Variants in PLXNC1 observed in about 807,000 individuals in gnomAD.
PLXNC1 encodes the protein plexin C1, also known as plexin-C1.
A neutral mutation model predicts 178.2 loss-of-function variants in PLXNC1; 75 were observed. The observed-to-expected ratio is 0.42, with a 90% CI of 0.35 to 0.51. The LOEUF (loss-of-function observed/expected upper bound fraction) is 0.51. Among genes scored for constraint, PLXNC1 ranks in the 20% least tolerant of loss-of-function variants. The pLI is 0.02. For missense variants in PLXNC1, 1,503 were observed against 1,984.4 expected (o/e 0.76, Z 4.61); for synonymous variants, 790 against 779.9 (o/e 1.01, Z -0.22).
intron 6 of PLXNC1, among the ~76,000 whole-genome samples, chr12:94,223,805 C>G (rs918073535): frequency 1.3e-5 from 2 of 152,094 alleles, no homozygotes; most frequent in East Asian, 3.9e-4. Flanking sequence ...ATATTTGCAG[C>G]GTGGATTTTT....
chr12:94,231,741 G>T (rs1030845906), intron 9 of PLXNC1, among the ~76,000 whole-genome samples: 2 of 152,086 alleles, frequency 1.3e-5, no homozygotes, highest in Admixed American at 6.5e-5. Flanking sequence ...AGCTATAAAG[G>T]CCAGTGTCTG....
chr12:94,278,130 C>G, intron 21 of PLXNC1: 1 of 408,334 alleles, frequency 2.4e-6, no homozygotes, highest in South Asian at 1.7e-5. Flanking sequence ...CTGTTAGACT[C>G]TCCGCTCCTT....
chr12:94,259,468 A>G, intron 18 of PLXNC1, 93 bp downstream of exon 18: 1 of 1,228,574 alleles, frequency 8.1e-7, no homozygotes, highest in Admixed American at 2.6e-5. Context: ...ATTACTTTGA[A>G]TTTTTATTGT....
In PLXNC1 at chr12:94,260,608, A is replaced by C. The variant is rs1488079735; in HGVS notation, c.3252-34A>C. On this transcript the variant is annotated intron_variant, in intron 19 of 30. Coordinates refer to ENST00000258526, the MANE Select transcript of PLXNC1 (RefSeq NM_005761.3). This position sits in a 1 kb window ranked among gnomAD's most constrained non-coding sequence, Gnocchi z 4.4. Reference sequence around the variant, plus strand: ...CCCATGGGTGTCCAGCTAGGCCTGCAGCCAATGGTTCACCCAGCTCTCTTT... The same window carrying C: ...CCCATGGGTGTCCAGCTAGGCCTGCCGCCAATGGTTCACCCAGCTCTCTTT... The C allele has an allele frequency of 2.1e-5, 33 of 1,538,912 alleles. No homozygotes were observed. The Admixed American group carries it at 5.0e-4, about 23-fold the overall frequency.
chr12:94,201,079 A>T (rs1448383779), intron 4 of PLXNC1, among the ~76,000 whole-genome samples: 1 of 152,170 alleles, frequency 6.6e-6, no homozygotes, highest in Non-Finnish European at 1.5e-5. Flanking sequence ...GCCCTGGGGG[A>T]AACAAAGATG....
At chr12:94,270,564 G>A (rs1313136487) in intron 21 of PLXNC1, among the ~76,000 whole-genome samples, 1 of 152,046 alleles carries the variant, frequency 6.6e-6, no homozygotes, top group Non-Finnish European at 1.5e-5. Context: ...AACTCATGGG[G>A]CTCTTTGCCA....
chr12:94,160,376 A>C (rs542697580), intron 1 of PLXNC1, among the ~76,000 whole-genome samples: 2 of 152,290 alleles, frequency 1.3e-5, no homozygotes, highest in Admixed American at 6.5e-5. Context: ...TTTTGAGGAA[A>C]AGTAAAAGCT....
intron 5 of PLXNC1, among the ~76,000 whole-genome samples, chr12:94,210,859 G>A (rs1963447530): frequency 6.6e-6 from 1 of 152,142 alleles, no homozygotes; most frequent in Non-Finnish European, 1.5e-5. Context: ...CTAAACATAG[G>A]TATATCCAAA....
chr12:94,201,195 A>G (rs746334723), intron 4 of PLXNC1, among the ~76,000 whole-genome samples: 3 of 152,216 alleles, frequency 2.0e-5, no homozygotes, highest in Non-Finnish European at 4.4e-5. Context: ...AAGGACTCCA[A>G]AGAACCCTTT....
chr12:94,149,810 C>A lies in PLXNC1; in HGVS notation c.839C>A (p.Ser280Tyr). ...STEVLFQGQA[S>Y]LDCGHGHPDG... is the part of the protein sequence containing the mutation. ...GAGGTGCTGTTCCAGGGCCAGGCATCCCTCGACTGCGGCCACGGCCACCCC... is the reference window on the plus strand; with the variant it reads ...GAGGTGCTGTTCCAGGGCCAGGCATACCTCGACTGCGGCCACGGCCACCCC... Residue 280 changes from serine to tyrosine, a missense_variant, in exon 1 of 31, where the codon TCC becomes TAC. Physicochemically the swap from Ser to Tyr is moderately radical, Grantham distance 144. Transcript: ENST00000258526. 1.2e-6 allele frequency: 2 copies of A among 1,603,466 alleles called. No homozygotes were observed. The highest frequency in any genetic ancestry group is 8.5e-7 in the Non-Finnish European group (1 of 1,176,574).
Position 94,260,779 on chromosome 12 carries a change from A to T in PLXNC1, c.3389A>T (p.Glu1130Val). The T allele has an allele frequency of 6.2e-7, 1 of 1,614,226 alleles. No homozygotes were observed. The highest frequency in any genetic ancestry group is 8.5e-7 in the Non-Finnish European group (1 of 1,180,038). The change falls in exon 20 of 31, where the codon GAG becomes GTG. Residue 1130 changes from glutamate (E) to valine (V), a missense_variant. Transcript: ENST00000258526. This position sits in a 1 kb window ranked among gnomAD's most constrained non-coding sequence, Gnocchi z 4.4. ...MQPKLMLRRT[E>V]SVVEKLLTNW... Reference sequence around the variant, plus strand: ...CCGAAACTCATGCTGAGACGCACGGAGTCCGTCGTCGAAAAACTCCTCACA... The same window carrying T: ...CCGAAACTCATGCTGAGACGCACGGTGTCCGTCGTCGAAAAACTCCTCACA...
Position 94,290,931 on chromosome 12 carries a change from T to C in PLXNC1, c.3880-3555T>C, listed in dbSNP as rs140515682. ...TTTGTGGATCTCTGACCTGCCTCCT[T>C]CTTGCCACCCGTTTGTCTTGTAATT... On this transcript the variant is annotated intron_variant, in intron 23 of 30. Transcript: ENST00000258526. Among the ~76,000 whole-genome samples, 239 of 152,310 alleles carry C rather than the reference T, an allele frequency of 1.6e-3. 1 individual carries two copies. Among genetic ancestry groups the C allele is most frequent in the African/African-American group, 5.2e-3 (215 of 41,558 alleles).
In PLXNC1 at chr12:94,260,825, T is replaced by C; in HGVS notation, c.3435T>C (p.Leu1145=). 2 of 1,614,190 alleles carry C rather than the reference T, an allele frequency of 1.2e-6. No homozygotes were observed. Among genetic ancestry groups the C allele is most frequent in the South Asian group, 2.2e-5 (2 of 91,080 alleles). ...TCACAAACTGGATGTCCGTCTGCCT[T>C]TCTGGATTTCTCCGGGTAAGTGTCA... ...KLLTNWMSVC[L]SGFLRETVGE... The change falls in exon 20 of 31, where the codon CTT becomes CTC. Residue 1145 remains leucine (L), a synonymous_variant. Transcript: ENST00000258526. This position sits in a 1 kb window ranked among gnomAD's most constrained non-coding sequence, Gnocchi z 4.4.
chr12:94,240,725 A>T (rs918354429), intron 11 of PLXNC1, 61 bp downstream of exon 11: 2 of 1,250,428 alleles, frequency 1.6e-6, no homozygotes. Context: ...CCCAAAGATC[A>T]TTGATTTTAT....
chr12:94,153,262 G>A lies in PLXNC1; in HGVS notation c.1062+3229G>A, dbSNP rs568457500. Among the ~76,000 whole-genome samples the A allele has an allele frequency of 2.7e-4, 41 of 152,260 alleles. 2 individuals are homozygous for A. Among genetic ancestry groups the A allele is most frequent in the Middle Eastern group, 6.8e-3 (2 of 294 alleles). On this transcript the variant is annotated intron_variant, in intron 1 of 30. Coordinates refer to ENST00000258526, the MANE Select transcript of PLXNC1 (RefSeq NM_005761.3). ...TCTTCCCACCACCCCAGGGTTTCTC[G>A]AACTTTCCCTTGAAGGTCCCCTAAT...
intron 1 of PLXNC1, among the ~76,000 whole-genome samples, chr12:94,160,157 G>A (rs1273453806): frequency 1.3e-5 from 2 of 152,116 alleles, no homozygotes; most frequent in African/African-American, 4.8e-5. Context: ...ACACATCCCT[G>A]TTTGGGCTAT....
chr12:94,259,791 TG>T, intron 19 of PLXNC1, 57 bp downstream of exon 19: 1 of 1,480,416 alleles, frequency 6.8e-7, no homozygotes, highest in Non-Finnish European at 9.1e-7. Flanking sequence ...AGGCCGGGCA[TG>T]GTGGCTCATG....
At chr12:94,159,450 G>T (rs1961295927) in intron 1 of PLXNC1, among the ~76,000 whole-genome samples, 1 of 152,202 alleles carries the variant, frequency 6.6e-6, no homozygotes, top group South Asian at 2.1e-4. Context: ...CCGGTTGCAG[G>T]TTTCCCTTGC....
chr12:94,153,925 C>T (rs76685580), intron 1 of PLXNC1, among the ~76,000 whole-genome samples: 2,424 of 152,252 alleles, frequency 0.016, 57 homozygotes, highest in African/African-American at 0.052. Context: ...CCTCAAAATC[C>T]GCAGTCTTCT....
Sources: allele counts gnomAD v4.1 joint callset (sites outside exome capture counted in the v4.1 genomes callset), GRCh38; gene constraint gnomAD v4.1.1; non-coding constraint Gnocchi (gnomAD v3.1); transcripts MANE v1.5; gene names NCBI Gene and HGNC (gene_info 2026-07-23, HGNC 2026-07-21).